The following SLC30A4 variants were observed in gnomAD, a reference collection of about 807,000 sequenced individuals.
SLC30A4 encodes probable proton-coupled zinc antiporter SLC30A4.
SLC30A4 carries 20 observed loss-of-function variants against 41.7 expected under a neutral mutation model. The observed-to-expected ratio is 0.48, with a 90% CI of 0.34 to 0.70. The LOEUF (loss-of-function observed/expected upper bound fraction) is 0.70. Ranked by LOEUF, SLC30A4 falls within the 30% of genes least tolerant of loss-of-function variation. SLC30A4 has a pLI of 0.01. For missense variants in SLC30A4, 441 were observed against 529.3 expected (o/e 0.83, Z 1.64); for synonymous variants, 181 against 195.9 (o/e 0.92, Z 0.64).
intron 7 of SLC30A4, 37 bp from the exon 8 acceptor site, chr15:45,485,354 A>C (rs1256822511): frequency 6.9e-7 from 1 of 1,451,028 alleles, no homozygotes; most frequent in Non-Finnish European, 9.5e-7. Flanking sequence ...TATCCATTGT[A>C]CAGTTACATC....
In SLC30A4 at chr15:45,479,869, C is replaced by G; in HGVS notation, c.*5294G>C. 1 of 151,188 alleles carries G rather than the reference C, an allele frequency of 6.6e-6. No homozygotes were observed. Among genetic ancestry groups the G allele is most frequent in the East Asian group, 1.9e-4 (1 of 5,142 alleles). The allele number at this position is 151,188 out of a possible 1,614,324, so 9.4% of individuals were successfully genotyped here. A position where few individuals can be genotyped will look rare whatever the true frequency, so the allele number is the denominator to read the frequency against. On this transcript the variant is annotated 3_prime_UTR_variant, in exon 8 of 8. Transcript: ENST00000261867. The stretch of plus-strand genomic sequence containing the variant: ...TATATATATATATATATACTTTGAT[C>G]TTAATTAACATGGACAAACCCCAGC...
At chr15:45,511,668 G>C (rs1482586534) in intron 2 of SLC30A4, among the ~76,000 whole-genome samples, 1 of 152,146 alleles carries the variant, frequency 6.6e-6, no homozygotes, top group East Asian at 1.9e-4. Context: ...ATTTTTAGTA[G>C]AGACAGGGTT....
At chr15:45,504,385 AAAGTAT>A (rs1343317911) in intron 3 of SLC30A4, among the ~76,000 whole-genome samples, 6 of 152,336 alleles carry the variant, frequency 3.9e-5, no homozygotes, top group Admixed American at 1.3e-4. Flanking sequence ...AAAAAAACAA[AAAGTAT>A]AAGTAGAGAC....
intron 5 of SLC30A4, among the ~76,000 whole-genome samples, 189 bp from the exon 6 acceptor site, chr15:45,487,821 T>C (rs975615863): frequency 2.0e-4 from 30 of 152,204 alleles, no homozygotes; most frequent in Non-Finnish European, 1.5e-5. Context: ...ACTTGCCTCA[T>C]GGGACCTATT....
intron 3 of SLC30A4, among the ~76,000 whole-genome samples, chr15:45,506,902 T>C (rs1043604791): frequency 5.3e-5 from 8 of 152,214 alleles, no homozygotes; most frequent in African/African-American, 1.9e-4. Context: ...TCAGTACATG[T>C]ACAAGGTTGT....
chr15:45,507,614 T>C (rs1437047627), intron 3 of SLC30A4, among the ~76,000 whole-genome samples: 1 of 150,550 alleles, frequency 6.6e-6, no homozygotes, highest in African/African-American at 2.4e-5. Flanking sequence ...CAGCCTCCCA[T>C]GCAGCTGGTA....
chr15:45,503,142 T>G lies in SLC30A4; in HGVS notation c.538+7996A>C, dbSNP rs570128916. Among the ~76,000 whole-genome samples, 6 of 152,120 alleles carry G rather than the reference T, an allele frequency of 3.9e-5. No individual in the cohort carries two copies. The East Asian group carries it at 7.7e-4, about 20-fold the overall frequency. ...TACTAGATAATCCAAATTAGATACA[T>G]GTATCAGCTGTAATTTGACATTAAC... is the stretch of plus-strand genomic sequence containing the variant. On this transcript the variant is annotated intron_variant, in intron 3 of 7. Coordinates refer to ENST00000261867, the MANE Select transcript of SLC30A4 (RefSeq NM_013309.6).
chr15:45,489,160 T>A, intron 4 of SLC30A4, 118 bp from the exon 5 acceptor site: 1 of 765,872 alleles, frequency 1.3e-6, no homozygotes, highest in Non-Finnish European at 2.1e-6. Context: ...TTGGAGCAAC[T>A]ATTATTTATC....
intron 3 of SLC30A4, among the ~76,000 whole-genome samples, chr15:45,506,893 C>T (rs896316022): frequency 1.3e-5 from 2 of 152,146 alleles, no homozygotes; most frequent in African/African-American, 4.8e-5. Context: ...CAGTGGTTTT[C>T]AGTACATGTA....
At chr15:45,516,288 A>G (rs574029173) in intron 2 of SLC30A4, among the ~76,000 whole-genome samples, 1 of 152,318 alleles carries the variant, frequency 6.6e-6, no homozygotes, top group Non-Finnish European at 1.5e-5. Flanking sequence ...GTTCTAAAAT[A>G]TGGTCCCTGG....
intron 2 of SLC30A4, chr15:45,519,537 T>C (rs1165966302): frequency 1.3e-5 from 2 of 152,244 alleles, no homozygotes; most frequent in African/African-American, 4.8e-5. Context: ...AAATGCTCTA[T>C]TGTATACAGT....
intron 3 of SLC30A4, among the ~76,000 whole-genome samples, chr15:45,495,461 T>C (rs1891892451): frequency 6.6e-6 from 1 of 152,222 alleles, no homozygotes; most frequent in Admixed American, 6.5e-5. Flanking sequence ...GTTAAATTTG[T>C]ATTTCAGACA....
chr15:45,522,553 C>G (rs1273804854), intron 1 of SLC30A4, 54 bp downstream of exon 1: 5 of 508,494 alleles, frequency 9.8e-6, no homozygotes, highest in Non-Finnish European at 3.4e-6. Flanking sequence ...GTCGCAGGGC[C>G]GACCCCGACG....
rs918407384 is a variant in SLC30A4, at chr15:45,480,505, C to T, written c.*4658G>A. 8 of 152,202 alleles carry T rather than the reference C, an allele frequency of 5.3e-5. No individual in the cohort carries two copies. Among genetic ancestry groups the T allele is most frequent in the African/African-American group, 1.9e-4 (8 of 41,448 alleles). 9.4% of individuals were successfully genotyped at this position (152,202 alleles called of 1,614,324 possible). On this transcript the variant is annotated 3_prime_UTR_variant, in exon 8 of 8. Coordinates refer to ENST00000261867, the MANE Select transcript of SLC30A4 (RefSeq NM_013309.6). ...TCAGACTTGCCTCCCCTCAACATAGCATATAGTGATGGGTGTTCATTTATG... is the reference window on the plus strand; with the variant it reads ...TCAGACTTGCCTCCCCTCAACATAGTATATAGTGATGGGTGTTCATTTATG...
intron 2 of SLC30A4, chr15:45,521,727 G>T: frequency 2.1e-6 from 1 of 469,160 alleles, no homozygotes; most frequent in South Asian, 4.7e-5. Context: ...TTAACTTTAC[G>T]GTAGATGACA....
intron 3 of SLC30A4, among the ~76,000 whole-genome samples, chr15:45,492,859 C>G (rs1398883505): frequency 6.6e-6 from 1 of 152,146 alleles, no homozygotes; most frequent in Non-Finnish European, 1.5e-5. Context: ...GGCTGGGAGA[C>G]AGGGATGACC....
chr15:45,499,221 A>G (rs915146964), intron 3 of SLC30A4, among the ~76,000 whole-genome samples: 1 of 151,118 alleles, frequency 6.6e-6, no homozygotes, highest in Non-Finnish European at 1.5e-5. Context: ...ACAGGTACCC[A>G]CCACCATGCT....
chr15:45,521,821 G>C (rs1358435503), intron 2 of SLC30A4, 143 bp downstream of exon 2: 4 of 760,158 alleles, frequency 5.3e-6, no homozygotes, highest in Non-Finnish European at 8.4e-6. Flanking sequence ...TTGGAACCGT[G>C]TGGCCTTTTC....
At chr15:45,488,690 A>G (rs1891752498) in intron 5 of SLC30A4, 151 bp downstream of exon 5, 1 of 627,304 alleles carries the variant, frequency 1.6e-6, no homozygotes, top group East Asian at 2.9e-5. Flanking sequence ...ACTGCTAACA[A>G]AAGAACTATA....
Sources: allele counts gnomAD v4.1 joint callset (sites outside exome capture counted in the v4.1 genomes callset), GRCh38; gene constraint gnomAD v4.1.1; transcripts MANE v1.5; gene names NCBI Gene and HGNC (gene_info 2026-07-23, HGNC 2026-07-21).